ZNHIT6: variants seen among roughly 807,000 people sequenced by gnomAD.
ZNHIT6 encodes zinc finger HIT-type containing 6, also known as box C/D snoRNA protein 1.
In ZNHIT6, 45 loss-of-function variants were observed where a neutral mutation model predicts 57.2. The observed-to-expected ratio is 0.79, with a 90% CI of 0.62 to 1.01. The LOEUF is 1.01. Ranked by LOEUF, ZNHIT6 falls within the 50% of genes least tolerant of loss-of-function variation. ZNHIT6 has a pLI of 0.00. For missense variants in ZNHIT6, 528 were observed against 567.3 expected (o/e 0.93, Z 0.70); for synonymous variants, 188 against 190.0 (o/e 0.99, Z 0.09).
At chr1:85,675,247 C>T (rs1327138654) in intron 8 of ZNHIT6, among the ~76,000 whole-genome samples, 1 of 152,096 alleles carries the variant, frequency 6.6e-6, no homozygotes, top group Non-Finnish European at 1.5e-5. Flanking sequence ...ACAAAAAATA[C>T]GTCAAAGAAG....
intron 5 of ZNHIT6, among the ~76,000 whole-genome samples, chr1:85,690,410 T>C (rs968414250): frequency 9.2e-5 from 14 of 152,228 alleles, no homozygotes; most frequent in African/African-American, 3.4e-4. Flanking sequence ...TCCCTCTGTC[T>C]AGATAAAAAC....
chr1:85,671,256 T>C (rs1339279007), intron 8 of ZNHIT6, among the ~76,000 whole-genome samples: 2 of 152,184 alleles, frequency 1.3e-5, no homozygotes, highest in East Asian at 1.9e-4. Context: ...GAGTGGCCTG[T>C]TGGGAATGTA....
Position 85,650,559 on chromosome 1 carries a change from TAATAG to T in ZNHIT6, c.*3494_*3498del, listed in dbSNP as rs1265341197. The T allele has an allele frequency of 6.6e-6, 1 of 152,204 alleles. No homozygotes were observed. Among genetic ancestry groups the T allele is most frequent in the African/African-American group, 2.4e-5 (1 of 41,454 alleles). 9.4% of individuals were successfully genotyped at this position (152,204 alleles called of 1,614,324 possible). On this transcript the variant is annotated 3_prime_UTR_variant, in exon 10 of 10. Coordinates refer to ENST00000370574, the MANE Select transcript of ZNHIT6 (RefSeq NM_017953.4). Reference sequence around the variant, plus strand: ...CAGCTTAGTCCATTTTGTGTCGCTATAATAGAATATCTAAGACTGGGTAACTTATT... The same window carrying T: ...CAGCTTAGTCCATTTTGTGTCGCTATAATATCTAAGACTGGGTAACTTATT...
intron 9 of ZNHIT6, among the ~76,000 whole-genome samples, 162 bp from the exon 10 acceptor site, chr1:85,654,260 CA>C (rs1557829208): frequency 1.3e-5 from 2 of 152,250 alleles, no homozygotes; most frequent in African/African-American, 4.8e-5. Flanking sequence ...CAATTCTGGC[CA>C]CAATAAATAG....
At chr1:85,668,987 TA>T (rs199522041) in intron 8 of ZNHIT6, among the ~76,000 whole-genome samples, 26 of 149,158 alleles carry the variant, frequency 1.7e-4, no homozygotes, top group Middle Eastern at 3.4e-3. Context: ...ACAGAGATTG[TA>T]AAAAAAAAAA....
chr1:85,654,244 G>A (rs1379010665), intron 9 of ZNHIT6, 146 bp from the exon 10 acceptor site: 1 of 602,116 alleles, frequency 1.7e-6, no homozygotes, highest in Non-Finnish European at 2.8e-6. Flanking sequence ...AGGCAGCTAG[G>A]ATATACAATT....
In ZNHIT6 at chr1:85,701,860, A is replaced by C. The variant is rs894638489; in HGVS notation, c.1019+297T>G. 9.9e-5 allele frequency among the ~76,000 whole-genome samples: 15 copies of C among 152,206 alleles called. 1 individual carries two copies. The highest frequency in any genetic ancestry group is 8.5e-4 in the Admixed American group (13 of 15,284). On this transcript the variant is annotated intron_variant, in intron 5 of 9. Coordinates refer to ENST00000370574, the MANE Select transcript of ZNHIT6 (RefSeq NM_017953.4). ...AACTCCAACCCAGGCCTACTGAAAA[A>C]TCACAACAAGCATACTTAACAAGAT...
Position 85,650,294 on chromosome 1 carries a change from C to T in ZNHIT6, c.*3764G>A, listed in dbSNP as rs1392503362. 1 of 152,202 alleles carries T rather than the reference C, an allele frequency of 6.6e-6. No homozygotes were observed. The highest frequency in any genetic ancestry group is 1.5e-5 in the Non-Finnish European group (1 of 68,054). 9.4% of individuals were successfully genotyped at this position (152,202 alleles called of 1,614,324 possible). A position where few individuals can be genotyped will look rare whatever the true frequency, so the allele number is the denominator to read the frequency against. ...CCACCATCCTCTCACCTCACTGTTC[C>T]TCATCCCATACAGAATATCCCCAAA... On this transcript the variant is annotated 3_prime_UTR_variant, in exon 10 of 10. Transcript: ENST00000370574.
intron 7 of ZNHIT6, among the ~76,000 whole-genome samples, 186 bp downstream of exon 7, chr1:85,678,515 A>T (rs1661770999): frequency 1.3e-5 from 2 of 152,210 alleles, no homozygotes; most frequent in South Asian, 4.1e-4. Flanking sequence ...TGCTTTGAAG[A>T]GTGTCTGGAA....
chr1:85,696,052 A>G (rs963347135), intron 5 of ZNHIT6, among the ~76,000 whole-genome samples: 2 of 152,228 alleles, frequency 1.3e-5, no homozygotes, highest in Admixed American at 6.5e-5. Context: ...AACAAAAAAC[A>G]GCATGGTTCA....
At chr1:85,671,181 T>C (rs1381173420) in intron 8 of ZNHIT6, among the ~76,000 whole-genome samples, 3 of 152,208 alleles carry the variant, frequency 2.0e-5, no homozygotes, top group Non-Finnish European at 4.4e-5. Context: ...TCTTCCAATA[T>C]CCAATTATGT....
intron 8 of ZNHIT6, among the ~76,000 whole-genome samples, chr1:85,667,109 ACT>A (rs1453025434): frequency 6.6e-6 from 1 of 152,190 alleles, no homozygotes; most frequent in African/African-American, 2.4e-5. Context: ...AGAGGCATAT[ACT>A]ATATTGCAAA....
chr1:85,680,551 G>A (rs148833577), intron 6 of ZNHIT6, among the ~76,000 whole-genome samples: 22 of 152,212 alleles, frequency 1.4e-4, no homozygotes, highest in African/African-American at 5.1e-4. Context: ...CACCTTTGTA[G>A]GTATTCCCAA....
chr1:85,662,167 A>G (rs1049642034), intron 8 of ZNHIT6, among the ~76,000 whole-genome samples: 4 of 151,318 alleles, frequency 2.6e-5, no homozygotes, highest in Non-Finnish European at 4.4e-5. Flanking sequence ...AAAAAAAAAA[A>G]AAAACCTCCT....
At position 85,680,838 on chromosome 1, in the gene ZNHIT6, T is replaced by C; in HGVS notation, c.1086A>G (p.Lys362=). ...TGATTGAAAGATAGCAGTGATACCT[T>C]TTTTCTATGTACTCAGCTTGACTTT... is the stretch of plus-strand genomic sequence containing the variant. ...FPQSQAEYIE[K]RVPDDKTINE... The change falls in exon 6 of 10, where the codon AAA becomes AAG. Residue 362 remains lysine, a splice_region_variant and synonymous_variant. Transcript: ENST00000370574. The C allele has an allele frequency of 1.2e-6, 2 of 1,610,540 alleles. No homozygotes were observed. Among genetic ancestry groups the C allele is most frequent in the Non-Finnish European group, 1.7e-6 (2 of 1,178,342 alleles).
At chr1:85,674,734 A>G (rs1431942758) in intron 8 of ZNHIT6, among the ~76,000 whole-genome samples, 1 of 152,018 alleles carries the variant, frequency 6.6e-6, no homozygotes, top group Non-Finnish European at 1.5e-5. Context: ...GTTCATTTAA[A>G]TGTTACTCAT....
At chr1:85,705,121 A>G (rs1417024411) in intron 4 of ZNHIT6, among the ~76,000 whole-genome samples, 1 of 152,232 alleles carries the variant, frequency 6.6e-6, no homozygotes, top group East Asian at 1.9e-4. Context: ...TAAAGTTCAC[A>G]AAGTGCAAGA....
intron 5 of ZNHIT6, among the ~76,000 whole-genome samples, chr1:85,691,077 AT>A: frequency 6.6e-6 from 1 of 152,148 alleles, no homozygotes; most frequent in Non-Finnish European, 1.5e-5. Flanking sequence ...GCATTTTGAA[AT>A]TGCCTCACAG....
intron 5 of ZNHIT6, among the ~76,000 whole-genome samples, chr1:85,687,288 C>CAAAAAAAAAAAAA (rs1358501791): frequency 1.6e-4 from 12 of 75,218 alleles, no homozygotes; most frequent in South Asian, 6.4e-4. Context: ...TCTCAAAAAA[C>CAAAAAAAAAAAAA]AAAAAAAAAA....
Sources: allele counts gnomAD v4.1 joint callset (sites outside exome capture counted in the v4.1 genomes callset), GRCh38; gene constraint gnomAD v4.1.1; transcripts MANE v1.5; gene names NCBI Gene and HGNC (gene_info 2026-07-23, HGNC 2026-07-21).